KDM1B: variants seen among roughly 807,000 people sequenced by gnomAD.
KDM1B encodes the protein lysine demethylase 1B.
A neutral mutation model predicts 107.4 loss-of-function variants in KDM1B; 63 were observed. The observed-to-expected ratio is 0.59, with a 90% confidence interval of 0.48 to 0.72. The LOEUF is 0.72. Ranked by LOEUF, KDM1B falls within the 30% of genes least tolerant of loss-of-function variation. KDM1B has a pLI of 0.00. For synonymous variants in KDM1B, 363 were observed against 363.9 expected (o/e 1.00, Z 0.03); for missense variants, 749 against 1,020.8 (o/e 0.73, Z 3.63).
chr6:18,207,296 C>T (rs1325337996), intron 15 of KDM1B, 102 bp from the exon 16 acceptor site: 45 of 1,327,652 alleles, frequency 3.4e-5, no homozygotes, highest in African/African-American at 4.3e-5. Flanking sequence ...CCCCTGCCCT[C>T]CTGCCTTGGT....
intron 5 of KDM1B, among the ~76,000 whole-genome samples, chr6:18,163,799 C>T (rs1242560734): frequency 6.6e-6 from 1 of 152,044 alleles, no homozygotes; most frequent in Non-Finnish European, 1.5e-5. Flanking sequence ...TGTATGATTT[C>T]TACGTTTTAA....
At position 18,172,372 on chromosome 6, in the gene KDM1B, A is replaced by G. The variant is rs1785716552; in HGVS notation, c.534+893A>G. On this transcript the variant is annotated intron_variant, in intron 7 of 21. Coordinates refer to ENST00000650836, the MANE Select transcript of KDM1B (RefSeq NM_001364614.2). This position sits in a 1 kb window ranked among gnomAD's most constrained non-coding sequence, Gnocchi z 5.2. ...GTTTCTAGAAATTGAGATAAAATTC[A>G]CATATTATAAAATTCACCCTTTTAA... 6.6e-6 allele frequency among the ~76,000 whole-genome samples: 1 copy of G among 152,234 alleles called. No individual in the cohort carries two copies. The highest frequency in any genetic ancestry group is 1.5e-5 in the Non-Finnish European group (1 of 68,044).
At chr6:18,184,736 C>CTTTTTTTTTTTTTTTTTTTTTTTTT (rs58897300) in intron 7 of KDM1B, among the ~76,000 whole-genome samples, 1 of 65,434 alleles carries the variant, frequency 1.5e-5, no homozygotes, top group Non-Finnish European at 2.8e-5. Context: ...AGCTTTTTTC[C>CTTTTTTTTTTTTTTTTTTTTTTTTT]TTTTTTTTTT....
At position 18,214,987 on chromosome 6, in the gene KDM1B, T is replaced by C. The variant is rs771291446; in HGVS notation, c.2110-20T>C. 5 of 1,612,558 alleles carry C rather than the reference T, an allele frequency of 3.1e-6. No homozygotes were observed. In the South Asian group the frequency reaches 4.4e-5, roughly 14 times the overall value. On this transcript the variant is annotated intron_variant, in intron 19 of 21. Transcript: ENST00000650836. The surrounding 1 kb of genome is among the most constrained non-coding windows in gnomAD (Gnocchi z 4.4). ...AGCTGAGCACTCACAGACCTCCTGCTTTTCCTTTCATGTCTCCAGAAGAAG... is the reference window on the plus strand; with the variant it reads ...AGCTGAGCACTCACAGACCTCCTGCCTTTCCTTTCATGTCTCCAGAAGAAG...
intron 5 of KDM1B, among the ~76,000 whole-genome samples, chr6:18,164,672 T>G (rs1785178135): frequency 6.6e-6 from 1 of 152,132 alleles, no homozygotes; most frequent in Non-Finnish European, 1.5e-5. Flanking sequence ...TTTTCTTTTC[T>G]TTTGAGACAG....
Position 18,217,743 on chromosome 6 carries a change from A to T in KDM1B, c.2243A>T (p.Asp748Val). ...TTCTATTGGACATAGGAGGTCCCAGATCCCACAAAGTATTTTGTCACTCGG... is the reference window on the plus strand; with the variant it reads ...TTCTATTGGACATAGGAGGTCCCAGTTCCCACAAAGTATTTTGTCACTCGG... The part of the protein sequence containing the change: ...RELFKEQEVP[D>V]PTKYFVTRWS... The change falls in exon 21 of 22, where the codon GAT becomes GTT. Residue 748 changes from aspartate (D) to valine (V), a missense_variant. Asp to Val is a radical substitution (Grantham distance 152). Transcript: ENST00000650836. 6.2e-7 allele frequency: 1 copy of T among 1,611,666 alleles called. No homozygotes were observed. The highest frequency in any genetic ancestry group is 8.5e-7 in the Non-Finnish European group (1 of 1,179,318).
At chr6:18,208,094 C>T in intron 16 of KDM1B, 38 bp from the exon 17 acceptor site, 1 of 1,453,502 alleles carries the variant, frequency 6.9e-7, no homozygotes, top group East Asian at 2.3e-5. Flanking sequence ...TCACGTGGTT[C>T]CATCCCTCAC....
At chr6:18,167,370 AAAATT>A (rs1456070641) in intron 6 of KDM1B, among the ~76,000 whole-genome samples, 32 of 152,134 alleles carry the variant, frequency 2.1e-4, no homozygotes, top group Non-Finnish European at 4.1e-4. Flanking sequence ...AAAGAAAAAA[AAAATT>A]AAATTGACCT....
rs572900853 is a variant in KDM1B, at chr6:18,161,285, C to T, written c.88-42C>T. The T allele has an allele frequency of 9.4e-6, 15 of 1,601,114 alleles. No individual in the cohort carries two copies. The South Asian group carries it at 1.2e-4, about 13-fold the overall frequency. The stretch of plus-strand genomic sequence containing the variant: ...TGAACCTTCATCCTTAGTCATTTTG[C>T]CATCATCAGTGAAATTTTAACATCA... On this transcript the variant is annotated intron_variant, in intron 3 of 21. Coordinates refer to ENST00000650836, the MANE Select transcript of KDM1B (RefSeq NM_001364614.2).
At chr6:18,221,737 C>T (rs556779774) in intron 21 of KDM1B, among the ~76,000 whole-genome samples, 172 bp from the exon 22 acceptor site, 1 of 152,298 alleles carries the variant, frequency 6.6e-6, no homozygotes, top group African/African-American at 2.4e-5. Context: ...TTTGACAATG[C>T]ATGGCCAGAT....
rs759902199 is a variant in KDM1B, at chr6:18,162,816, T to C, written c.216-19T>C. 2.2e-6 allele frequency: 3 copies of C among 1,375,790 alleles called. No homozygotes were observed. Among genetic ancestry groups the C allele is most frequent in the African/African-American group, 2.8e-5 (2 of 70,280 alleles). 85.2% of individuals were successfully genotyped at this position (1,375,790 alleles called of 1,614,324 possible). A position where few individuals can be genotyped will look rare whatever the true frequency, so the allele number is the denominator to read the frequency against. ...ATGTTTATTCATTACCAAAGCTATA[T>C]GTTTTTCACTATTTTCAGATGTGCC... On this transcript the variant is annotated intron_variant, in intron 4 of 21. Transcript: ENST00000650836. This position sits in a 1 kb window ranked among gnomAD's most constrained non-coding sequence, Gnocchi z 4.1.
In KDM1B at chr6:18,205,240, A is replaced by G. The variant is rs1001019349; in HGVS notation, c.1532-297A>G. 2.6e-5 allele frequency among the ~76,000 whole-genome samples: 4 copies of G among 152,216 alleles called. No individual in the cohort carries two copies. Among genetic ancestry groups the G allele is most frequent in the African/African-American group, 9.7e-5 (4 of 41,446 alleles). On this transcript the variant is annotated intron_variant, in intron 14 of 21. Transcript: ENST00000650836. The surrounding 1 kb of genome is among the most constrained non-coding windows in gnomAD (Gnocchi z 5.7). The stretch of plus-strand genomic sequence containing the variant: ...GAGCAAAAGAGGAAACCACTTCTCA[A>G]CGAAGCGAAATTGAGACGTTTCTGA...
chr6:18,189,917 G>A (rs767535911), intron 9 of KDM1B, among the ~76,000 whole-genome samples: 11 of 150,270 alleles, frequency 7.3e-5, no homozygotes, highest in African/African-American at 2.5e-4. Flanking sequence ...AGGCCGAGAC[G>A]GGCAGATCAT....
Position 18,221,714 on chromosome 6 carries a change from T to C in KDM1B, c.2386-195T>C, listed in dbSNP as rs930395615. On this transcript the variant is annotated intron_variant, in intron 21 of 21. Coordinates refer to ENST00000650836, the MANE Select transcript of KDM1B (RefSeq NM_001364614.2). The stretch of plus-strand genomic sequence containing the variant: ...TGCTGCGTAGTACTTCAAGATAGCA[T>C]ACAATGAGTGAATTTGACAATGCAT... Among the ~76,000 whole-genome samples, 3 of 152,196 alleles carry C rather than the reference T, an allele frequency of 2.0e-5. No individual in the cohort carries two copies. In the East Asian group the frequency reaches 5.8e-4, roughly 29 times the overall value.
rs202229762 is a variant in KDM1B, at chr6:18,215,097, A to G, written c.2200A>G (p.Met734Val). 1.9e-6 allele frequency: 3 copies of G among 1,613,604 alleles called. No individual in the cohort carries two copies. Among genetic ancestry groups the G allele is most frequent in the East Asian group, 2.2e-5 (1 of 44,844 alleles). ...TGACAAACAGGTGCTGCAGCAGTGC[A>G]TGGCCACGCTCCGGGAGCTGTTCAA... The part of the protein sequence containing the change: ...LDDKQVLQQC[M>V]ATLRELFKEQ... The change falls in exon 20 of 22, where the codon ATG (methionine) becomes GTG (valine). Residue 734 changes from methionine to valine, a missense_variant. By Grantham distance (21) the Met-to-Val change is conservative (BLOSUM62 1). Transcript: ENST00000650836.
At chr6:18,219,119 G>T (rs1789472824) in intron 21 of KDM1B, among the ~76,000 whole-genome samples, 1 of 151,914 alleles carries the variant, frequency 6.6e-6, no homozygotes, top group Non-Finnish European at 1.5e-5. Flanking sequence ...AGCCAGGATG[G>T]TCTCCATCTC....
Position 18,215,110 on chromosome 6 carries a change from G to T in KDM1B, c.2213G>T (p.Arg738Leu). Residue 738 changes from arginine (R) to leucine (L), a missense_variant, in exon 20 of 22, where the codon CGG becomes CTG. By Grantham distance (102) the Arg-to-Leu change is moderately radical (BLOSUM62 -2). Transcript: ENST00000650836. ...QVLQQCMATL[R>L]ELFKEQEVPD... The stretch of plus-strand genomic sequence containing the variant: ...CTGCAGCAGTGCATGGCCACGCTCC[G>T]GGAGCTGTTCAAGGAGCAGGTGAGA... 1.9e-6 allele frequency: 3 copies of T among 1,612,964 alleles called. No homozygotes were observed. The highest frequency in any genetic ancestry group is 4.5e-5 in the East Asian group (2 of 44,838).
chr6:18,215,127 C>G lies in KDM1B; in HGVS notation c.2230C>G (p.Gln744Glu). The change falls in exon 20 of 22, where the codon CAG (glutamine) becomes GAG (glutamate). Residue 744 changes from glutamine to glutamate, a missense_variant and splice_region_variant. Transcript: ENST00000650836. ...CACGCTCCGGGAGCTGTTCAAGGAG[C>G]AGGTGAGAGAGAGGAAGCCCTCCTT... The part of the protein sequence containing the change: ...MATLRELFKE[Q>E]EVPDPTKYFV... 1 of 1,611,346 alleles carries G rather than the reference C, an allele frequency of 6.2e-7. No homozygotes were observed.
chr6:18,221,851 CTTTT>C, intron 21 of KDM1B, 54 bp from the exon 22 acceptor site: 1 of 1,357,612 alleles, frequency 7.4e-7, no homozygotes, highest in Non-Finnish European at 1.0e-6. Context: ...CTTGTTTTAC[CTTTT>C]GATATCAACT....
Sources: allele counts gnomAD v4.1 joint callset (sites outside exome capture counted in the v4.1 genomes callset), GRCh38; gene constraint gnomAD v4.1.1; non-coding constraint Gnocchi (gnomAD v3.1); transcripts MANE v1.5; gene names NCBI Gene and HGNC (gene_info 2026-07-23, HGNC 2026-07-21).